Variants in SRP19 observed in about 807,000 individuals in gnomAD.
The protein encoded by SRP19 is signal recognition particle 19 kDa protein.
A neutral mutation model predicts 22.4 loss-of-function variants in SRP19; 11 were observed. That is an observed-to-expected ratio of 0.49 (90% CI 0.31 to 0.81). The LOEUF is 0.81. Ranked by LOEUF, SRP19 falls within the 40% of genes least tolerant of loss-of-function variation. The pLI, the probability that SRP19 is intolerant of heterozygous loss-of-function variation, is 0.05. For missense variants in SRP19, 168 were observed against 175.9 expected (o/e 0.96, Z 0.25); for synonymous variants, 61 against 57.6 (o/e 1.06, Z -0.27).
chr5:112,878,644 C>T, intron 4 of SRP19: 1 of 1,237,476 alleles, frequency 8.1e-7, no homozygotes, highest in Non-Finnish European at 1.1e-6. Context: ...AGCAAAGAAA[C>T]TTACAACACA....
chr5:112,877,209 G>T (rs901818535), intron 4 of SRP19: 3 of 152,118 alleles, frequency 2.0e-5, no homozygotes, highest in African/African-American at 7.2e-5. Context: ...GAGTGATACT[G>T]TCACTTAGTA....
chr5:112,894,972 C>T (rs902596796), downstream of SRP19: 1 of 147,782 alleles, frequency 6.8e-6, no homozygotes, highest in African/African-American at 2.5e-5. Flanking sequence ...GGCGCAGTGG[C>T]TTACGCCTGT....
chr5:112,873,060 A>G (rs141011150), downstream of SRP19, among the ~76,000 whole-genome samples: 538 of 148,742 alleles, frequency 3.6e-3, 2 homozygotes, highest in African/African-American at 0.012. Context: ...GTATTCTGAA[A>G]TATAACAGTT....
chr5:112,897,350 A>ATC (rs763546047), downstream of SRP19: 2 of 129,446 alleles, frequency 1.5e-5, no homozygotes, highest in Non-Finnish European at 3.5e-5. Context: ...AACACATCCC[A>ATC]TCACACACAC....
chr5:112,886,920 TG>T, intron 4 of SRP19: 1 of 853,882 alleles, frequency 1.2e-6, no homozygotes, highest in Non-Finnish European at 1.8e-6. Flanking sequence ...GGCTGAGGGG[TG>T]GTGATAAGAC....
intron 4 of SRP19, among the ~76,000 whole-genome samples, chr5:112,883,640 C>A (rs1768143420): frequency 6.6e-6 from 1 of 152,082 alleles, no homozygotes; most frequent in African/African-American, 2.4e-5. Flanking sequence ...AGCTTGTGGC[C>A]CCCAAATTTA....
At chr5:112,892,762 C>G (rs1301633289) in exon 5 of SRP19, 4 of 1,613,898 alleles carry the variant, frequency 2.5e-6, no homozygotes, top group Admixed American at 3.3e-5. Context: ...GATGGGCCAC[C>G]ACGACCACTA....
exon 5 of SRP19, chr5:112,891,985 T>A: frequency 8.0e-7 from 1 of 1,247,646 alleles, no homozygotes; most frequent in Non-Finnish European, 1.2e-6. Context: ...AAAGGAACAA[T>A]GGAAAGAACA....
At chr5:112,864,174 T>A (rs538819593) in intron 2 of SRP19, among the ~76,000 whole-genome samples, 1 of 152,212 alleles carries the variant, frequency 6.6e-6, no homozygotes, top group Non-Finnish European at 1.5e-5. Flanking sequence ...CCTACTATGT[T>A]GAGAGTACCA....
At position 112,867,732 on chromosome 5, in the gene SRP19, C is replaced by A; in HGVS notation, c.*195C>A. ...AGAAGTTTGCATCTCGCGTATATGC[C>A]GTATAAAAGAATTTTTTTGTCTTTC... On this transcript the variant is annotated 3_prime_UTR_variant, in exon 5 of 5. Coordinates refer to ENST00000505459, the MANE Select transcript of SRP19 (RefSeq NM_003135.3). 7.8e-7 allele frequency: 1 copy of A among 1,275,580 alleles called. No homozygotes were observed. 79.0% of individuals were successfully genotyped at this position (1,275,580 alleles called of 1,614,324 possible).
chr5:112,896,387 G>T (rs972055280), downstream of SRP19: 1 of 152,164 alleles, frequency 6.6e-6, no homozygotes, highest in African/African-American at 2.4e-5. Context: ...GCCTAGCGTG[G>T]TGGTGGGCAC....
intron 1 of SRP19, among the ~76,000 whole-genome samples, chr5:112,861,679 T>A (rs1186108696): frequency 6.6e-6 from 1 of 152,248 alleles, no homozygotes; most frequent in Non-Finnish European, 1.5e-5. Flanking sequence ...GGGTGCTACG[T>A]GGACATGATA....
downstream of SRP19, chr5:112,893,376 C>T (rs1460721088): frequency 9.9e-6 from 2 of 202,162 alleles, no homozygotes; most frequent in African/African-American, 4.7e-5. Context: ...TGCCACTTCA[C>T]TCCAGCCTGG....
At chr5:112,885,039 A>G (rs916179960) in intron 4 of SRP19, 2 of 152,482 alleles carry the variant, frequency 1.3e-5, no homozygotes, top group Non-Finnish European at 2.9e-5. Context: ...CATAACAAAA[A>G]CTGAACAGCA....
rs199905553 is a variant in SRP19, at chr5:112,861,387, C to T, written c.11C>T (p.Ala4Val). 7 of 1,614,160 alleles carry T rather than the reference C, an allele frequency of 4.3e-6. No individual in the cohort carries two copies. The highest frequency in any genetic ancestry group is 1.3e-5 in the African/African-American group (1 of 75,068). Residue 4 changes from alanine (A) to valine (V), a missense_variant, in exon 1 of 5, where the codon GCT (alanine) becomes GTT (valine). Ala to Val is a moderately conservative substitution (Grantham distance 64). Coordinates refer to ENST00000505459, the MANE Select transcript of SRP19 (RefSeq NM_003135.3). Reference sequence around the variant, plus strand: ...GAGACTCTTGTGAAGATGGCTTGCGCTGCCGCGCGGTCCCCGGCCGACCAG... The same window carrying T: ...GAGACTCTTGTGAAGATGGCTTGCGTTGCCGCGCGGTCCCCGGCCGACCAG... MAC[A>V]AARSPADQDR...
exon 5 of SRP19, chr5:112,892,445 C>G (rs760826483): frequency 5.6e-6 from 9 of 1,614,000 alleles, no homozygotes; most frequent in Non-Finnish European, 7.6e-6. Context: ...AATTTGGAAC[C>G]TCACCTGAGG....
In SRP19 at chr5:112,869,009, A is replaced by G. The variant is rs921622123; in HGVS notation, c.*1472A>G. 3.3e-5 allele frequency: 5 copies of G among 152,194 alleles called. No individual in the cohort carries two copies. The highest frequency in any genetic ancestry group is 1.2e-4 in the African/African-American group (5 of 41,444). 9.4% of individuals were successfully genotyped at this position (152,194 alleles called of 1,614,324 possible). A position where few individuals can be genotyped will look rare whatever the true frequency, so the allele number is the denominator to read the frequency against. ...GGGGAGAGGGGAGTATGTGTAAAAC[A>G]TAATTCAGAGCAGCCTTCTTTGAGA... On this transcript the variant is annotated 3_prime_UTR_variant, in exon 5 of 5. Transcript: ENST00000505459.
At chr5:112,879,350 G>A (rs1045929488) in intron 4 of SRP19, among the ~76,000 whole-genome samples, 1 of 149,802 alleles carries the variant, frequency 6.7e-6, no homozygotes, top group Non-Finnish European at 1.5e-5. Flanking sequence ...GGGGGGCGGT[G>A]GGGGAGAGGA....
exon 5 of SRP19, chr5:112,891,779 G>T: frequency 1.2e-6 from 2 of 1,613,494 alleles, no homozygotes; most frequent in East Asian, 4.5e-5. Context: ...AGAGACTCAG[G>T]ACTCTCACAG....
Sources: allele counts gnomAD v4.1 joint callset (sites outside exome capture counted in the v4.1 genomes callset), GRCh38; gene constraint gnomAD v4.1.1; transcripts MANE v1.5; gene names NCBI Gene and HGNC (gene_info 2026-07-23, HGNC 2026-07-21).